Variants in FAM167A observed in about 807,000 individuals in gnomAD.
The protein encoded by FAM167A is protein FAM167A.
In FAM167A, 23 loss-of-function variants were observed where a neutral mutation model predicts 14.9. That is an observed-to-expected ratio of 1.55 (90% confidence interval 1.11 to 2.19). The LOEUF is 2.19. FAM167A is among the 30% of genes most tolerant of loss of function. FAM167A has a pLI of 0.00. For synonymous variants in FAM167A, 174 were observed against 117.7 expected (o/e 1.48, Z -3.10); for missense variants, 401 against 281.5 (o/e 1.42, Z -3.04).
rs1234698086 is a variant in FAM167A at position 11,424,610 on chromosome 8, T to C, written c.408A>G (p.Gln136=). The C allele has an allele frequency of 2.5e-6, 4 of 1,613,832 alleles. No individual in the cohort carries two copies. In the African/African-American group the frequency reaches 5.3e-5, roughly 22 times the overall value. Residue 136 remains glutamine, a synonymous_variant, in exon 3 of 3, where the codon CAA becomes CAG. Coordinates refer to ENST00000284486, the MANE Select transcript of FAM167A (RefSeq NM_053279.3). Reference sequence around the variant, plus strand: ...GCAGGCGCATGAGCTGTCTGGCCAGTTGCTGGTCCTGCAGCCGCATCTCCG... The same window carrying C: ...GCAGGCGCATGAGCTGTCTGGCCAGCTGCTGGTCCTGCAGCCGCATCTCCG... The part of the protein sequence containing the change: ...ELTEMRLQDQ[Q]LARQLMRLRG...
chr8:11,421,985 T>G lies in FAM167A; in HGVS notation c.*2388A>C. The G allele has an allele frequency of 2.5e-6, 1 of 396,736 alleles. No homozygotes were observed. Among genetic ancestry groups the G allele is most frequent in the Non-Finnish European group, 4.4e-6 (1 of 225,386 alleles). The allele number at this position is 396,736 out of a possible 1,614,324, so 24.6% of individuals were successfully genotyped here. ...CTGGACGATGTTTAGAAAACATCGC[T>G]GTCCCCCTCCACTTCTCATCTTGGG... On this transcript the variant is annotated 3_prime_UTR_variant, in exon 3 of 3. Transcript: ENST00000284486.
rs757880277 is a variant in FAM167A at position 11,444,672 on chromosome 8, C to T, written c.-261G>A. ...TGTGGGTGCCATGCTCCACAGAAGG[C>T]AGGAACAGACAGCGTCGCAGGAATC... On this transcript the variant is annotated 5_prime_UTR_variant, in exon 2 of 3. Coordinates refer to ENST00000284486, the MANE Select transcript of FAM167A (RefSeq NM_053279.3). 4 of 1,252,870 alleles carry T rather than the reference C, an allele frequency of 3.2e-6. No homozygotes were observed. Among genetic ancestry groups the T allele is most frequent in the Admixed American group, 7.7e-5 (2 of 25,866 alleles). The allele number at this position is 1,252,870 out of a possible 1,614,324, so 77.6% of individuals were successfully genotyped here. A position where few individuals can be genotyped will look rare whatever the true frequency, so the allele number is the denominator to read the frequency against.
At chr8:11,443,462 C>T (rs928721234) in intron 2 of FAM167A, among the ~76,000 whole-genome samples, 4 of 152,220 alleles carry the variant, frequency 2.6e-5, no homozygotes, top group Non-Finnish European at 4.4e-5. Context: ...AGGCAGGACC[C>T]ATCCCGCCGA....
chr8:11,445,597 G>A (rs1490352208), intron 1 of FAM167A: 1 of 985,532 alleles, frequency 1.0e-6, no homozygotes, highest in Non-Finnish European at 1.2e-6. Context: ...TCAGCTATGG[G>A]ATCTGATGTG....
intron 2 of FAM167A, among the ~76,000 whole-genome samples, chr8:11,425,067 C>T (rs973634219): frequency 4.6e-5 from 7 of 152,132 alleles, no homozygotes; most frequent in Non-Finnish European, 8.8e-5. Context: ...CTGTGATGGC[C>T]ATGTTTTCTT....
chr8:11,474,822 G>T, intron 1 of FAM167A: 1 of 152,864 alleles, frequency 6.5e-6, no homozygotes. Flanking sequence ...GAAAAGGAGG[G>T]GGTAAGGAGG....
At chr8:11,461,886 A>T (rs1342816864) in intron 1 of FAM167A, among the ~76,000 whole-genome samples, 1 of 152,242 alleles carries the variant, frequency 6.6e-6, no homozygotes, top group East Asian at 1.9e-4. Context: ...TGCTTATGCC[A>T]ACTGGGCACC....
intron 2 of FAM167A, among the ~76,000 whole-genome samples, chr8:11,435,364 C>G (rs934178054): frequency 1.3e-5 from 2 of 152,250 alleles, no homozygotes; most frequent in Admixed American, 6.5e-5. Context: ...CATTTTTTAT[C>G]ATGTGTCTAG....
At chr8:11,458,394 T>C (rs573147363) in intron 1 of FAM167A, among the ~76,000 whole-genome samples, 1 of 152,288 alleles carries the variant, frequency 6.6e-6, no homozygotes, top group African/African-American at 2.4e-5. Context: ...CTGAGTCACA[T>C]TTCTGATGTG....
chr8:11,456,760 G>T (rs1042388269), intron 1 of FAM167A, among the ~76,000 whole-genome samples: 2 of 151,054 alleles, frequency 1.3e-5, no homozygotes, highest in African/African-American at 4.9e-5. Context: ...GAAGGACGTG[G>T]GTGGTGCTGG....
At chr8:11,465,866 C>A (rs991328132) in intron 1 of FAM167A, among the ~76,000 whole-genome samples, 1 of 152,210 alleles carries the variant, frequency 6.6e-6, no homozygotes, top group African/African-American at 2.4e-5. Context: ...CAGTGGCCAG[C>A]CCCCAACCTA....
At chr8:11,443,865 G>T (rs902188214) in intron 2 of FAM167A, among the ~76,000 whole-genome samples, 166 bp downstream of exon 2, 2 of 152,026 alleles carry the variant, frequency 1.3e-5, no homozygotes, top group Non-Finnish European at 1.5e-5. Context: ...TACAAATGAC[G>T]CCTGCCTTCA....
chr8:11,463,664 C>T (rs1297122549), intron 1 of FAM167A, among the ~76,000 whole-genome samples: 1 of 152,212 alleles, frequency 6.6e-6, no homozygotes, highest in Non-Finnish European at 1.5e-5. Flanking sequence ...TGCGAGGGAG[C>T]CCTTGGGCAT....
intron 2 of FAM167A, chr8:11,435,028 TCCC>T (rs778546205): frequency 4.4e-6 from 2 of 456,622 alleles, no homozygotes; most frequent in Middle Eastern, 3.3e-4. Context: ...CCTGCCTGCC[TCCC>T]CCCCTCACTC....
chr8:11,470,470 G>C (rs529774298), upstream of FAM167A, among the ~76,000 whole-genome samples: 1 of 152,326 alleles, frequency 6.6e-6, no homozygotes, highest in African/African-American at 2.4e-5. Context: ...GGGCAGGGCA[G>C]GTGCTGCGGC....
intron 2 of FAM167A, among the ~76,000 whole-genome samples, chr8:11,439,161 T>C (rs1335537784): frequency 6.6e-6 from 1 of 152,258 alleles, no homozygotes; most frequent in Non-Finnish European, 1.5e-5. Context: ...TTAAACTTTC[T>C]GTCCCTCAGT....
intron 1 of FAM167A, among the ~76,000 whole-genome samples, chr8:11,455,143 T>G (rs1807183154): frequency 6.9e-6 from 1 of 144,932 alleles, no homozygotes; most frequent in African/African-American, 2.5e-5. Flanking sequence ...TGTGTGCGTG[T>G]GTGTGTGTGT....
chr8:11,470,458 C>A (rs867597266), upstream of FAM167A, among the ~76,000 whole-genome samples: 6 of 152,140 alleles, frequency 3.9e-5, no homozygotes, highest in Non-Finnish European at 5.9e-5. Context: ...ACATCAGAGA[C>A]AGGGCAGGGC....
At chr8:11,475,218 A>AC (rs1046461124) in intron 1 of FAM167A, among the ~76,000 whole-genome samples, 2 of 150,710 alleles carry the variant, frequency 1.3e-5, no homozygotes, top group African/African-American at 4.9e-5. Flanking sequence ...TTCCTCTGGG[A>AC]CCCCCTCCCT....
Sources: gnomAD v4.1 joint callset for allele counts (sites outside exome capture counted in the v4.1 genomes callset) on GRCh38, gnomAD v4.1.1 for gene constraint, MANE v1.5 for transcripts, NCBI Gene and HGNC (gene_info 2026-07-23, HGNC 2026-07-21) for gene names.